TBL1XR1: variants seen among roughly 807,000 people sequenced by gnomAD.
The protein encoded by TBL1XR1 is F-box-like/WD repeat-containing protein TBL1XR1.
A neutral mutation model predicts 66.9 loss-of-function variants in TBL1XR1; 5 were observed. The observed-to-expected ratio is 0.07, with a 90% confidence interval of 0.04 to 0.16. The LOEUF (loss-of-function observed/expected upper bound fraction) is 0.16. TBL1XR1 is among the 10% of genes least tolerant of loss of function. TBL1XR1 has a pLI of 1.00. For missense variants in TBL1XR1, 238 were observed against 623.2 expected (o/e 0.38, Z 6.58); for synonymous variants, 210 against 206.0 (o/e 1.02, Z -0.17).
intron 2 of TBL1XR1, among the ~76,000 whole-genome samples, chr3:177,073,525 G>A (rs1720306645): frequency 6.6e-6 from 1 of 151,926 alleles, no homozygotes; most frequent in African/African-American, 2.4e-5. Context: ...AATTTTCTGA[G>A]ACTACACTTC....
At chr3:177,119,458 T>C (rs1014890016) in intron 1 of TBL1XR1, among the ~76,000 whole-genome samples, 1 of 152,162 alleles carries the variant, frequency 6.6e-6, no homozygotes, top group Non-Finnish European at 1.5e-5. Context: ...TTTGTTTAGA[T>C]AAGTAAATAG....
intron 2 of TBL1XR1, among the ~76,000 whole-genome samples, chr3:177,084,250 C>T (rs1337480712): frequency 3.3e-5 from 5 of 152,172 alleles, no homozygotes; most frequent in Admixed American, 1.3e-4. Context: ...TAGAAAGCTG[C>T]CATATGCACT....
chr3:177,085,753 C>CA (rs2108623528), intron 2 of TBL1XR1, among the ~76,000 whole-genome samples: 1 of 152,056 alleles, frequency 6.6e-6, no homozygotes, highest in South Asian at 2.1e-4. Context: ...CCCAAAATAA[C>CA]AAATATCTTT....
chr3:177,092,668 G>C (rs1577140184), intron 2 of TBL1XR1, among the ~76,000 whole-genome samples: 1 of 151,570 alleles, frequency 6.6e-6, no homozygotes, highest in East Asian at 1.9e-4. Flanking sequence ...ACTATTGGTA[G>C]AAATGTAAAA....
intron 1 of TBL1XR1, among the ~76,000 whole-genome samples, chr3:177,165,850 C>CT (rs1178708297): frequency 6.6e-6 from 1 of 152,140 alleles, no homozygotes; most frequent in Non-Finnish European, 1.5e-5. Flanking sequence ...GTAATCCCAC[C>CT]ACTTTGGGAG....
At chr3:177,096,793 T>A (rs905147461) in intron 2 of TBL1XR1, among the ~76,000 whole-genome samples, 2 of 152,172 alleles carry the variant, frequency 1.3e-5, no homozygotes, top group East Asian at 1.9e-4. Context: ...GCCAGAGCAA[T>A]CTAAAGACCC....
intron 1 of TBL1XR1, among the ~76,000 whole-genome samples, chr3:177,189,664 A>AAAAAAAAAAATTTC (rs57549428): frequency 7.0e-6 from 1 of 141,930 alleles, no homozygotes; most frequent in African/African-American, 2.7e-5. Flanking sequence ...AAAAAAAAAA[A>AAAAAAAAAAATTTC]AGAAGGATGT....
chr3:177,176,385 C>T (rs1041336335), intron 1 of TBL1XR1, among the ~76,000 whole-genome samples: 24 of 151,400 alleles, frequency 1.6e-4, no homozygotes, highest in Admixed American at 1.5e-3. Context: ...TTAATAGAGA[C>T]GGAATTTCAC....
intron 1 of TBL1XR1, among the ~76,000 whole-genome samples, chr3:177,152,495 C>G (rs1731016539): frequency 1.3e-5 from 2 of 152,138 alleles, no homozygotes; most frequent in African/African-American, 4.8e-5. Flanking sequence ...CCATTTTGGC[C>G]AGGCTTGTCT....
At chr3:177,183,943 C>T (rs765841430) in intron 1 of TBL1XR1, among the ~76,000 whole-genome samples, 2 of 151,780 alleles carry the variant, frequency 1.3e-5, no homozygotes, top group Non-Finnish European at 2.9e-5. Flanking sequence ...GAGTTCACTG[C>T]CAAAAATGAG....
intron 2 of TBL1XR1, among the ~76,000 whole-genome samples, chr3:177,078,930 C>T (rs563913016): frequency 2.6e-4 from 40 of 151,582 alleles, no homozygotes; most frequent in African/African-American, 8.7e-4. Flanking sequence ...GCCTGGGCAA[C>T]GGAGTGAGAC....
chr3:177,087,020 G>A (rs1467185466), intron 2 of TBL1XR1: 1 of 147,648 alleles, frequency 6.8e-6, no homozygotes, highest in African/African-American at 2.5e-5. Context: ...TCACAAGGCT[G>A]AGGAGAAGTT....
intron 2 of TBL1XR1, among the ~76,000 whole-genome samples, chr3:177,082,884 T>G (rs1721610761): frequency 6.7e-6 from 1 of 149,578 alleles, no homozygotes; most frequent in African/African-American, 2.5e-5. Flanking sequence ...GCCTCTGGAG[T>G]AGCTGGGACT....
Position 177,111,271 on chromosome 3 carries a change from ATTT to A in TBL1XR1, c.-121-12733_-121-12731del, listed in dbSNP as rs10569471. Reference sequence around the variant, plus strand: ...TTCCACTGAGAAACCACTATGATTGATTTTTTTTTTTTTTTTTTAAAGACAGAG... The same window carrying A: ...TTCCACTGAGAAACCACTATGATTGATTTTTTTTTTTTTTTAAAGACAGAG... On this transcript the variant is annotated intron_variant, in intron 1 of 15. Transcript: ENST00000457928. 2.5e-3 allele frequency among the ~76,000 whole-genome samples: 357 copies of A among 144,064 alleles called. 2 individuals carry two copies. Among genetic ancestry groups the A allele is most frequent in the African/African-American group, 4.7e-3 (180 of 38,552 alleles). 94.5% of individuals were successfully genotyped at this position (144,064 alleles called of 152,430 possible).
At chr3:177,040,774 A>C (rs1326779998) in intron 10 of TBL1XR1, among the ~76,000 whole-genome samples, 3 of 152,202 alleles carry the variant, frequency 2.0e-5, no homozygotes, top group Non-Finnish European at 4.4e-5. Flanking sequence ...TAGTAATATG[A>C]CCAGACATTA....
intron 1 of TBL1XR1, among the ~76,000 whole-genome samples, chr3:177,114,677 GAA>G (rs898352775): frequency 3.5e-5 from 5 of 143,446 alleles, no homozygotes; most frequent in African/African-American, 7.6e-5. Flanking sequence ...AAATTAAAAA[GAA>G]AAAAAAAAAA....
In TBL1XR1 at chr3:177,023,297, A is replaced by T. The variant is rs563670559; in HGVS notation, c.*2201T>A. 1.3e-5 allele frequency: 2 copies of T among 152,664 alleles called. No individual in the cohort carries two copies. The highest frequency in any genetic ancestry group is 6.5e-5 in the Admixed American group (1 of 15,272). 9.5% of individuals were successfully genotyped at this position (152,664 alleles called of 1,614,324 possible). A position where few individuals can be genotyped will look rare whatever the true frequency, so the allele number is the denominator to read the frequency against. On this transcript the variant is annotated 3_prime_UTR_variant, in exon 16 of 16. Coordinates refer to ENST00000457928, the MANE Select transcript of TBL1XR1 (RefSeq NM_024665.7). Reference sequence around the variant, plus strand: ...AACATTTGTGTCTATTCCTGGGAGCACATTTTAAAATTATTGCACAGATTT... The same window carrying T: ...AACATTTGTGTCTATTCCTGGGAGCTCATTTTAAAATTATTGCACAGATTT...
At chr3:177,143,370 G>C (rs1162134021) in intron 1 of TBL1XR1, among the ~76,000 whole-genome samples, 1 of 150,760 alleles carries the variant, frequency 6.6e-6, no homozygotes, top group Non-Finnish European at 1.5e-5. Flanking sequence ...AAAATCAACT[G>C]TATCTACAAG....
At chr3:177,158,242 TTTTTTA>T (rs1731762012) in intron 1 of TBL1XR1, among the ~76,000 whole-genome samples, 1 of 133,632 alleles carries the variant, frequency 7.5e-6, no homozygotes, top group East Asian at 2.1e-4. Flanking sequence ...TTTTTTTTTT[TTTTTTA>T]AGACAGTCTT....
Sources: gnomAD v4.1 joint callset for allele counts (sites outside exome capture counted in the v4.1 genomes callset) on GRCh38, gnomAD v4.1.1 for gene constraint, MANE v1.5 for transcripts, NCBI Gene and HGNC (gene_info 2026-07-23, HGNC 2026-07-21) for gene names.